The following LIMK2 variants were observed in gnomAD, a reference collection of about 807,000 sequenced individuals.
LIMK2 encodes the protein LIM domain kinase 2.
LIMK2 carries 35 observed loss-of-function variants against 75.7 expected under a neutral mutation model. That is an observed-to-expected ratio of 0.46 (90% CI 0.35 to 0.61). The LOEUF (loss-of-function observed/expected upper bound fraction) is 0.61, where lower values mean the gene tolerates loss of function less well. LIMK2 is among the 20% of genes least tolerant of loss of function. The pLI is 0.00. For missense variants in LIMK2, 623 were observed against 831.0 expected, an observed-to-expected ratio of 0.75 and a Z score of 3.08; for synonymous variants, 301 against 319.2, an observed-to-expected ratio of 0.94 and a Z score of 0.61.
rs186400703 is a variant in LIMK2 at position 31,256,275 on chromosome 22, G to A, written c.117-2016G>A. Reference sequence around the variant, plus strand: ...GCCTCCCAAAGTGCTGGGATTACAGGTGTGAGCCACCGCGCCCTGCCTATA... The same window carrying A: ...GCCTCCCAAAGTGCTGGGATTACAGATGTGAGCCACCGCGCCCTGCCTATA... On this transcript the variant is annotated intron_variant, in intron 2 of 15. Transcript: ENST00000331728. 4.0e-3 allele frequency among the ~76,000 whole-genome samples: 606 copies of A among 150,214 alleles called. 4 individuals carry two copies. Among genetic ancestry groups the A allele is most frequent in the South Asian group, 0.014 (65 of 4,738 alleles).
chr22:31,221,598 C>T (rs1347462461), intron 1 of LIMK2, among the ~76,000 whole-genome samples: 1 of 152,118 alleles, frequency 6.6e-6, no homozygotes, highest in Non-Finnish European at 1.5e-5. Flanking sequence ...AATTCTCTTG[C>T]CTCAGCCTCC....
At chr22:31,225,873 T>C in intron 2 of LIMK2, 54 bp downstream of exon 2, 1 of 1,269,234 alleles carries the variant, frequency 7.9e-7, no homozygotes, top group Non-Finnish European at 1.1e-6. Flanking sequence ...CAAGCACTAT[T>C]TCATGTTCTG....
chr22:31,213,852 G>A (rs1176451621), intron 1 of LIMK2, among the ~76,000 whole-genome samples: 1 of 138,142 alleles, frequency 7.2e-6, no homozygotes, highest in Admixed American at 7.6e-5. Flanking sequence ...GTCTTGCTCT[G>A]TCGCCCAGGC....
At chr22:31,272,413 T>C (rs2048968152) in intron 12 of LIMK2, 117 bp from the exon 13 acceptor site, 5 of 944,094 alleles carry the variant, frequency 5.3e-6, no homozygotes, top group Admixed American at 2.4e-5. Flanking sequence ...GCTCTGATTC[T>C]CCCTTGCTAT....
In LIMK2 at chr22:31,220,791, C is replaced by T. The variant is rs967032807; in HGVS notation, c.17-4929C>T. Among the ~76,000 whole-genome samples the T allele has an allele frequency of 4.6e-5, 7 of 152,208 alleles. No individual in the cohort carries two copies. The East Asian group carries it at 5.8e-4, about 13-fold the overall frequency. ...CAGCCTGACCAACATGGAGAAACTC[C>T]GTCTCTACTAAAAATACAAAATTAG... On this transcript the variant is annotated intron_variant, in intron 1 of 15. Coordinates refer to ENST00000331728, the MANE Select transcript of LIMK2 (RefSeq NM_005569.4).
intron 2 of LIMK2, among the ~76,000 whole-genome samples, chr22:31,232,222 G>C (rs925200226): frequency 6.8e-6 from 1 of 146,440 alleles, no homozygotes; most frequent in Non-Finnish European, 1.5e-5. Flanking sequence ...TGGCTCCCAA[G>C]AGAGTCTGCT....
chr22:31,259,236 A>T lies in LIMK2; in HGVS notation c.362+6A>T, dbSNP rs1601430781. 1 of 1,561,524 alleles carries T rather than the reference A, an allele frequency of 6.4e-7. No individual in the cohort carries two copies. Among genetic ancestry groups the T allele is most frequent in the African/African-American group, 1.4e-5 (1 of 73,874 alleles). On this transcript the variant is annotated splice_donor_region_variant and intron_variant, in intron 4 of 15. Transcript: ENST00000331728. The stretch of plus-strand genomic sequence containing the variant: ...CAGCATGCCACCCTCTACTGGTAAG[A>T]TAGTGGTCCTTTGTCTATCCTCTCC...
At chr22:31,264,512 G>A (rs750117658) in intron 7 of LIMK2, among the ~76,000 whole-genome samples, 14 of 152,282 alleles carry the variant, frequency 9.2e-5, no homozygotes, top group African/African-American at 2.9e-4. Flanking sequence ...GACTATTATC[G>A]ACCGCTTTTG....
At chr22:31,277,228 G>A (rs1326555211) in intron 15 of LIMK2, 8 of 1,587,294 alleles carry the variant, frequency 5.0e-6, no homozygotes, top group African/African-American at 4.0e-5. Context: ...GGGACCCTGC[G>A]GCCAGGCCTG....
At chr22:31,233,369 A>G (rs544299693) in intron 2 of LIMK2, among the ~76,000 whole-genome samples, 7 of 152,244 alleles carry the variant, frequency 4.6e-5, no homozygotes, top group Non-Finnish European at 7.3e-5. Context: ...CAGTCTTGAA[A>G]TGTTCTCTTC....
intron 7 of LIMK2, among the ~76,000 whole-genome samples, chr22:31,264,631 C>A (rs894817678): frequency 4.6e-5 from 7 of 152,180 alleles, no homozygotes; most frequent in African/African-American, 1.7e-4. Flanking sequence ...CATCCAAAAT[C>A]CCATTTGCTG....
intron 2 of LIMK2, among the ~76,000 whole-genome samples, chr22:31,228,976 T>C (rs1338376776): frequency 6.6e-6 from 1 of 151,670 alleles, no homozygotes; most frequent in Non-Finnish European, 1.5e-5. Context: ...AAAAAAACCC[T>C]TAATAATCAG....
At position 31,262,932 on chromosome 22, in the gene LIMK2, C is replaced by G; in HGVS notation, c.854+141C>G. The G allele has an allele frequency of 2.6e-6, 2 of 759,484 alleles. No homozygotes were observed. The highest frequency in any genetic ancestry group is 1.8e-5 in the African/African-American group (1 of 55,752). The allele number at this position is 759,484 out of a possible 1,614,324, so 47.0% of individuals were successfully genotyped here. A position where few individuals can be genotyped will look rare whatever the true frequency, so the allele number is the denominator to read the frequency against. On this transcript the variant is annotated intron_variant, in intron 7 of 15. Coordinates refer to ENST00000331728, the MANE Select transcript of LIMK2 (RefSeq NM_005569.4). This position sits in a 1 kb window ranked among gnomAD's most constrained non-coding sequence, Gnocchi z 5.0. ...ATGAGGATTGTGCTGACCCAGCTGC[C>G]CCTGTGGGGATCACAGTTTACAGCC...
At chr22:31,255,629 T>C (rs2048770801) in intron 2 of LIMK2, among the ~76,000 whole-genome samples, 1 of 152,216 alleles carries the variant, frequency 6.6e-6, no homozygotes, top group African/African-American at 2.4e-5. Flanking sequence ...CTGTGGCCTC[T>C]CACCTTGCAT....
chr22:31,240,370 A>G (rs2048614094), intron 2 of LIMK2, among the ~76,000 whole-genome samples: 2 of 151,500 alleles, frequency 1.3e-5, no homozygotes, highest in African/African-American at 4.9e-5. Flanking sequence ...TTTGTTTGAA[A>G]TTTGTTTTAG....
intron 1 of LIMK2, among the ~76,000 whole-genome samples, chr22:31,216,569 A>G (rs988053700): frequency 6.6e-6 from 1 of 152,232 alleles, no homozygotes; most frequent in African/African-American, 2.4e-5. Flanking sequence ...AGTGGTAGCA[A>G]TGAAGAAGGC....
At chr22:31,243,618 A>C (rs1232068874) in intron 2 of LIMK2, among the ~76,000 whole-genome samples, 1 of 152,184 alleles carries the variant, frequency 6.6e-6, no homozygotes, top group African/African-American at 2.4e-5. Flanking sequence ...GCTCCGTGCC[A>C]GGTTTCCAAC....
intron 15 of LIMK2, chr22:31,276,766 A>C (rs5997933): frequency 0.73 from 1,171,236 of 1,594,090 alleles, 433,665 homozygotes; most frequent in African/African-American, 0.94. Context: ...AGTGGCGGCC[A>C]AGGACCACGC....
At chr22:31,259,705 C>A (rs550740651) in intron 4 of LIMK2, among the ~76,000 whole-genome samples, 184 bp from the exon 5 acceptor site, 1 of 152,308 alleles carries the variant, frequency 6.6e-6, no homozygotes, top group African/African-American at 2.4e-5. Context: ...TAGCTCAGCA[C>A]CCCCAGTCCC....
Sources: allele counts gnomAD v4.1 joint callset (sites outside exome capture counted in the v4.1 genomes callset), GRCh38; gene constraint gnomAD v4.1.1; non-coding constraint Gnocchi (gnomAD v3.1); transcripts MANE v1.5; gene names NCBI Gene and HGNC (gene_info 2026-07-23, HGNC 2026-07-21).